Variants in STON2 observed in about 807,000 individuals in gnomAD.
STON2 encodes the protein stonin 2.
STON2 carries 29 observed loss-of-function variants against 65.7 expected under a neutral mutation model. The observed-to-expected ratio is 0.44, with a 90% CI of 0.33 to 0.60. STON2 has a LOEUF of 0.60. Ranked by LOEUF, STON2 falls within the 20% of genes least tolerant of loss-of-function variation. STON2 has a pLI of 0.03. For missense variants in STON2, 1,054 were observed against 1,118.1 expected, an observed-to-expected ratio of 0.94 and a Z score of 0.82; for synonymous variants, 404 against 414.2, an observed-to-expected ratio of 0.98 and a Z score of 0.30.
intron 4 of STON2, among the ~76,000 whole-genome samples, chr14:81,348,323 G>T (rs1484143498): frequency 1.3e-5 from 2 of 152,072 alleles, no homozygotes; most frequent in Non-Finnish European, 2.9e-5. Context: ...AAGTAAAATT[G>T]TTCCTCTTTA....
At chr14:81,424,219 A>C (rs1318626969) in intron 2 of STON2, among the ~76,000 whole-genome samples, 1 of 152,134 alleles carries the variant, frequency 6.6e-6, no homozygotes, top group Non-Finnish European at 1.5e-5. Flanking sequence ...CAAGGCAGGC[A>C]GATCACTTGA....
intron 5 of STON2, among the ~76,000 whole-genome samples, chr14:81,306,127 C>T (rs993729268): frequency 6.2e-5 from 9 of 144,840 alleles, no homozygotes; most frequent in African/African-American, 2.3e-4. Context: ...TTAATTGCAA[C>T]CAAAGAATCC....
Position 81,398,322 on chromosome 14 carries a change from C to G in STON2, c.61G>C (p.Glu21Gln). 2 of 1,614,010 alleles carry G rather than the reference C, an allele frequency of 1.2e-6. No individual in the cohort carries two copies. The highest frequency in any genetic ancestry group is 1.7e-6 in the Non-Finnish European group (2 of 1,179,942). The change falls in exon 2 of 8, where the codon GAG becomes CAG. Residue 21 changes from glutamate to glutamine, a missense_variant. Transcript: ENST00000614646. ...HQSEWVSFNE[E>Q]PPFPAHSQGG... ...TGCGAGTGGGCAGGAAAGGGTGGCT[C>G]TTCATTGAAGGAGACCCATTCTGAC...
At chr14:81,424,470 T>A (rs976324843) in intron 2 of STON2, among the ~76,000 whole-genome samples, 32 of 146,042 alleles carry the variant, frequency 2.2e-4, no homozygotes, top group Admixed American at 1.5e-3. Flanking sequence ...CTGATTTCTG[T>A]TTTTATTATA....
chr14:81,276,483 T>C (rs1894823099), intron 6 of STON2, among the ~76,000 whole-genome samples: 1 of 152,154 alleles, frequency 6.6e-6, no homozygotes, highest in African/African-American at 2.4e-5. Flanking sequence ...GTATTGTCCA[T>C]GATTGGCCAT....
At chr14:81,384,574 G>C (rs984091120) in intron 3 of STON2, among the ~76,000 whole-genome samples, 1 of 152,214 alleles carries the variant, frequency 6.6e-6, no homozygotes, top group East Asian at 1.9e-4. Flanking sequence ...TGTGTTTCTG[G>C]TATGAACCCC....
intron 3 of STON2, among the ~76,000 whole-genome samples, chr14:81,373,268 T>C (rs549154476): frequency 6.6e-6 from 1 of 152,182 alleles, no homozygotes; most frequent in South Asian, 2.1e-4. Context: ...TAACAGTCTA[T>C]ACTAAATACA....
At chr14:81,393,660 G>A (rs114448200) in intron 3 of STON2, among the ~76,000 whole-genome samples, 1 of 152,130 alleles carries the variant, frequency 6.6e-6, no homozygotes, top group Non-Finnish European at 1.5e-5. Context: ...AGTAGCTAAG[G>A]CACTGAGCAC....
intron 3 of STON2, among the ~76,000 whole-genome samples, chr14:81,391,010 T>C (rs1900053243): frequency 6.6e-6 from 1 of 152,258 alleles, no homozygotes; most frequent in Non-Finnish European, 1.5e-5. Flanking sequence ...CTCTTCTGTG[T>C]AAGCAAAATC....
intron 2 of STON2, among the ~76,000 whole-genome samples, chr14:81,411,444 C>T (rs1208233992): frequency 6.6e-6 from 1 of 152,260 alleles, no homozygotes; most frequent in Non-Finnish European, 1.5e-5. Context: ...CACTGGCTCA[C>T]GCCTGTAATC....
At position 81,405,397 on chromosome 14, in the gene STON2, G is replaced by A. The variant is rs771103137; in HGVS notation, c.-198-6817C>T. On this transcript the variant is annotated intron_variant, in intron 2 of 8. Transcript: ENST00000553821. Reference sequence around the variant, plus strand: ...TTAGTTCTTTGAACATATTTATAACGGCTGCTTTAAAGACTTTGCCTGCTA... The same window carrying A: ...TTAGTTCTTTGAACATATTTATAACAGCTGCTTTAAAGACTTTGCCTGCTA... Among the ~76,000 whole-genome samples, 6 of 148,220 alleles carry A rather than the reference G, an allele frequency of 4.0e-5. No individual in the cohort carries two copies. The East Asian group carries it at 7.9e-4, about 19-fold the overall frequency.
chr14:81,380,457 AC>A (rs1192574522), intron 3 of STON2, among the ~76,000 whole-genome samples: 1 of 152,222 alleles, frequency 6.6e-6, no homozygotes, highest in South Asian at 2.1e-4. Flanking sequence ...TTAAAACAGA[AC>A]CACCATTTGA....
intron 3 of STON2, among the ~76,000 whole-genome samples, chr14:81,384,925 C>A (rs1899720028): frequency 6.6e-6 from 1 of 152,152 alleles, no homozygotes; most frequent in Non-Finnish European, 1.5e-5. Flanking sequence ...TCTGTGGCTC[C>A]TCTGCTTTTT....
chr14:81,417,519 T>C (rs1233437004), intron 2 of STON2, among the ~76,000 whole-genome samples: 4 of 152,170 alleles, frequency 2.6e-5, no homozygotes, highest in African/African-American at 4.8e-5. Flanking sequence ...AGTAGTGCCA[T>C]AGTATCTGAG....
In STON2 at chr14:81,264,402, A is replaced by G. The variant is rs1210377768; in HGVS notation, c.*4012T>C. The G allele has an allele frequency of 1.0e-6, 1 of 985,332 alleles. No individual in the cohort carries two copies. Among genetic ancestry groups the G allele is most frequent in the Admixed American group, 6.1e-5 (1 of 16,262 alleles). 61.0% of individuals were successfully genotyped at this position (985,332 alleles called of 1,614,324 possible). On this transcript the variant is annotated 3_prime_UTR_variant, in exon 8 of 8. Coordinates refer to ENST00000614646, the MANE Select transcript of STON2 (RefSeq NM_001394390.1). ...GTAGCCTTCGAGTCTCAGGGTCAGT[A>G]TTCTTTCAGCAAACATTTATTGAAT... is the stretch of plus-strand genomic sequence containing the variant.
chr14:81,414,064 G>A (rs565513755), intron 2 of STON2, among the ~76,000 whole-genome samples: 1 of 139,608 alleles, frequency 7.2e-6, no homozygotes, highest in South Asian at 2.4e-4. Flanking sequence ...TAGAGGCAGG[G>A]TCATCAGGAC....
intron 2 of STON2, among the ~76,000 whole-genome samples, chr14:81,405,460 GTT>G (rs376505307): frequency 1.1e-4 from 7 of 63,294 alleles, no homozygotes; most frequent in Non-Finnish European, 1.8e-4. Flanking sequence ...AGTTACTATT[GTT>G]TTTTTTTTTT....
chr14:81,414,622 A>G (rs1180970408), intron 2 of STON2, among the ~76,000 whole-genome samples: 1 of 151,926 alleles, frequency 6.6e-6, no homozygotes, highest in Non-Finnish European at 1.5e-5. Flanking sequence ...CTTGAATACT[A>G]GATGTGAAAA....
intron 3 of STON2, among the ~76,000 whole-genome samples, chr14:81,389,021 T>C (rs553477654): frequency 1.3e-5 from 2 of 152,114 alleles, no homozygotes; most frequent in Non-Finnish European, 2.9e-5. Context: ...CAAAACAACA[T>C]CCACAGAGGG....
Sources: allele counts gnomAD v4.1 joint callset (sites outside exome capture counted in the v4.1 genomes callset), GRCh38; gene constraint gnomAD v4.1.1; transcripts MANE v1.5; gene names NCBI Gene and HGNC (gene_info 2026-07-23, HGNC 2026-07-21).